The following SUMF1 variants were observed in gnomAD, a reference collection of about 807,000 sequenced individuals.
SUMF1 encodes the protein formylglycine-generating enzyme.
In SUMF1, 48 loss-of-function variants were observed where a neutral mutation model predicts 47.6. The observed-to-expected ratio is 1.01, with a 90% confidence interval of 0.80 to 1.28. The LOEUF is 1.28. SUMF1 is among the 50% of genes most tolerant of loss of function. The pLI, the probability that SUMF1 is intolerant of heterozygous loss-of-function variation, is 0.00. For missense variants in SUMF1, 571 were observed against 485.4 expected, an observed-to-expected ratio of 1.18 and a Z score of -1.66; for synonymous variants, 230 against 192.1, an observed-to-expected ratio of 1.20 and a Z score of -1.63.
chr3:4,061,128 TG>T (rs2125027757), intron 9 of SUMF1, among the ~76,000 whole-genome samples: 1 of 152,298 alleles, frequency 6.6e-6, no homozygotes, highest in African/African-American at 2.4e-5. Context: ...ATTTGAGAAT[TG>T]GGCAGCCCCC....
chr3:4,195,347 C>A (rs1695405436), intron 8 of SUMF1, among the ~76,000 whole-genome samples: 1 of 151,958 alleles, frequency 6.6e-6, no homozygotes, highest in Admixed American at 6.6e-5. Flanking sequence ...GTACATAAGC[C>A]AAGGGAAGAG....
chr3:4,404,882 T>C (rs1048285307), intron 7 of SUMF1, among the ~76,000 whole-genome samples: 1 of 152,198 alleles, frequency 6.6e-6, no homozygotes, highest in Non-Finnish European at 1.5e-5. Flanking sequence ...CAATGAATGC[T>C]TGCTTGAAAT....
intron 8 of SUMF1, among the ~76,000 whole-genome samples, chr3:4,127,221 C>T (rs1046100269): frequency 6.6e-6 from 1 of 152,124 alleles, no homozygotes; most frequent in African/African-American, 2.4e-5. Context: ...TGGCTAAAAA[C>T]CAAACCCAGG....
intron 8 of SUMF1, among the ~76,000 whole-genome samples, chr3:4,211,904 C>A (rs1019976457): frequency 1.3e-5 from 2 of 152,092 alleles, no homozygotes; most frequent in African/African-American, 2.4e-5. Context: ...GGCAGGGCAT[C>A]TCTGAAAAAA....
chr3:4,163,179 C>T (rs1341283241), intron 8 of SUMF1, among the ~76,000 whole-genome samples: 3 of 151,662 alleles, frequency 2.0e-5, no homozygotes, highest in Non-Finnish European at 4.4e-5. Flanking sequence ...ACTCTTCTCC[C>T]GGTAGACTGC....
chr3:4,303,957 C>A, intron 8 of SUMF1: 1 of 931,294 alleles, frequency 1.1e-6, no homozygotes, highest in Non-Finnish European at 1.4e-6. Context: ...TGTGGTCTCC[C>A]TCACGCTGTG....
rs566525722 is a variant in SUMF1, at chr3:4,216,764, T to G, written c.1015-148019A>C. 9.1e-4 allele frequency among the ~76,000 whole-genome samples: 138 copies of G among 152,238 alleles called. 1 individual carries two copies. The highest frequency in any genetic ancestry group is 6.1e-3 in the Admixed American group (93 of 15,292). On this transcript the variant is annotated intron_variant and NMD_transcript_variant, in intron 8 of 12. Coordinates refer to the SUMF1 transcript ENST00000448413. ...TGCAGTCAACAAACATATGAAAAAATGCTCATCATCACTGATCATCAGAGA... is the reference window on the plus strand; with the variant it reads ...TGCAGTCAACAAACATATGAAAAAAGGCTCATCATCACTGATCATCAGAGA...
At chr3:4,431,635 G>A (rs1270985156) in intron 3 of SUMF1, among the ~76,000 whole-genome samples, 1 of 152,122 alleles carries the variant, frequency 6.6e-6, no homozygotes, top group Non-Finnish European at 1.5e-5. Context: ...ACTGAATATT[G>A]GAGCAGAAAA....
At chr3:4,078,808 A>G (rs1692495792) in intron 8 of SUMF1, among the ~76,000 whole-genome samples, 2 of 152,218 alleles carry the variant, frequency 1.3e-5, no homozygotes, top group South Asian at 2.1e-4. Context: ...TACTGTGGTT[A>G]TCTCATTTTT....
intron 8 of SUMF1, among the ~76,000 whole-genome samples, chr3:4,147,931 T>TC (rs1400967895): frequency 1.3e-5 from 2 of 152,110 alleles, no homozygotes. Flanking sequence ...CCCTTTTTTT[T>TC]CCACCTGAAG....
intron 9 of SUMF1, among the ~76,000 whole-genome samples, chr3:4,039,611 C>G (rs1435337508): frequency 3.4e-5 from 5 of 147,494 alleles, no homozygotes; most frequent in Non-Finnish European, 7.4e-5. Flanking sequence ...TTTTCTTAAT[C>G]CAGTCTATCA....
intron 8 of SUMF1, among the ~76,000 whole-genome samples, chr3:4,286,447 C>T (rs310731): frequency 0.92 from 139,345 of 152,140 alleles, 63,915 homozygotes; most frequent in East Asian, 1. Flanking sequence ...AATCAGCGCA[C>T]AGTAAAACTA....
chr3:4,083,436 T>C (rs902764764), intron 8 of SUMF1, among the ~76,000 whole-genome samples: 2 of 152,104 alleles, frequency 1.3e-5, no homozygotes, highest in East Asian at 1.9e-4. Flanking sequence ...GATGAGGATG[T>C]GTCAGCAAAC....
At chr3:4,319,491 A>C (rs1256144799) in intron 8 of SUMF1, among the ~76,000 whole-genome samples, 5 of 152,150 alleles carry the variant, frequency 3.3e-5, no homozygotes, top group Non-Finnish European at 5.9e-5. Context: ...TCTTATTTCG[A>C]TGTGGTGATC....
chr3:4,141,472 AG>A (rs993165398), intron 8 of SUMF1, among the ~76,000 whole-genome samples: 7 of 152,260 alleles, frequency 4.6e-5, no homozygotes, highest in Non-Finnish European at 4.4e-5. Context: ...AAGGAAGAGC[AG>A]GTGTGCCTGA....
intron 9 of SUMF1, among the ~76,000 whole-genome samples, chr3:4,051,925 C>A (rs1695119685): frequency 6.6e-6 from 1 of 152,114 alleles, no homozygotes; most frequent in Non-Finnish European, 1.5e-5. Context: ...GTGACGTAAA[C>A]CAAGAAAGTA....
intron 8 of SUMF1, chr3:4,303,573 C>T (rs752129485): frequency 5.2e-6 from 7 of 1,346,358 alleles, no homozygotes; most frequent in Middle Eastern, 2.8e-4. Context: ...GCGGCTCCCC[C>T]ACGTGGTCTC....
intron 1 of SUMF1, among the ~76,000 whole-genome samples, chr3:4,461,052 T>C: frequency 6.6e-6 from 1 of 152,204 alleles, no homozygotes; most frequent in Admixed American, 6.5e-5. Flanking sequence ...CTGCCTAGCA[T>C]GGTGCATGGT....
intron 8 of SUMF1, among the ~76,000 whole-genome samples, chr3:4,327,622 T>G (rs890437679): frequency 2.0e-5 from 3 of 151,820 alleles, no homozygotes. Flanking sequence ...TTATACAATT[T>G]TGGAACACAT....
Sources: allele counts gnomAD v4.1 joint callset (sites outside exome capture counted in the v4.1 genomes callset), GRCh38; gene constraint gnomAD v4.1.1; transcripts MANE v1.5; gene names NCBI Gene and HGNC (gene_info 2026-07-23, HGNC 2026-07-21).